The following ASXL2 variants were observed in gnomAD, a reference collection of about 807,000 sequenced individuals.
ASXL2 encodes the protein putative Polycomb group protein ASXL2.
Under a neutral mutation model 122.0 loss-of-function variants are expected in ASXL2, and 23 were observed. That is an observed-to-expected ratio of 0.19 (90% CI 0.14 to 0.27). ASXL2 has a LOEUF of 0.27. Ranked by LOEUF, ASXL2 falls within the 10% of genes least tolerant of loss-of-function variation. The pLI, the probability that ASXL2 is intolerant of heterozygous loss-of-function variation, is 1.00. For synonymous variants in ASXL2, 650 were observed against 637.0 expected (o/e 1.02, Z -0.31); for missense variants, 1,518 against 1,713.8 (o/e 0.89, Z 2.02).
chr2:25,839,391 T>A (rs773823728), intron 2 of ASXL2, among the ~76,000 whole-genome samples: 1 of 152,208 alleles, frequency 6.6e-6, no homozygotes, highest in African/African-American at 2.4e-5. Flanking sequence ...AGCTACAGCA[T>A]TTATCTATAG....
chr2:25,753,212 G>A (rs1346557432), intron 11 of ASXL2, among the ~76,000 whole-genome samples: 2 of 145,476 alleles, frequency 1.4e-5, no homozygotes, highest in Admixed American at 6.8e-5. Context: ...TCAGGAGTTC[G>A]CCTCGGCCTC....
intron 1 of ASXL2, among the ~76,000 whole-genome samples, chr2:25,870,135 G>T (rs899152320): frequency 3.3e-5 from 5 of 152,146 alleles, no homozygotes; most frequent in Non-Finnish European, 4.4e-5. Context: ...AGTTCACCAT[G>T]GAAGCTAACA....
rs1029334538 is a variant in ASXL2, at chr2:25,733,990, T to C, written c.*8039A>G. 6.6e-6 allele frequency: 1 copy of C among 152,098 alleles called. No individual in the cohort carries two copies. 9.4% of individuals were successfully genotyped at this position (152,098 alleles called of 1,614,324 possible). On this transcript the variant is annotated 3_prime_UTR_variant, in exon 13 of 13. Transcript: ENST00000435504. ...AGTGAATAAGAATTACATACGGTAA[T>C]TTCTTCCATTCCGACTTCTCTTAGT...
intron 2 of ASXL2, among the ~76,000 whole-genome samples, chr2:25,836,747 A>T (rs1323156491): frequency 6.6e-6 from 1 of 152,168 alleles, no homozygotes; most frequent in African/African-American, 2.4e-5. Context: ...TTACTCACCT[A>T]TACTAATCTT....
intron 8 of ASXL2, among the ~76,000 whole-genome samples, chr2:25,763,112 A>G (rs1407165145): frequency 6.6e-6 from 1 of 152,208 alleles, no homozygotes; most frequent in Non-Finnish European, 1.5e-5. Flanking sequence ...CAAACCCACC[A>G]TTTGGATAGG....
Position 25,792,652 on chromosome 2 carries a change from G to C in ASXL2, c.403+6733C>G, listed in dbSNP as rs184724189. On this transcript the variant is annotated intron_variant, in intron 5 of 12. Transcript: ENST00000435504. ...GTGTCTCACTTTGTCGCCCAGGCTA[G>C]AGTGGAGTGGCGTGATCTTGGCTCA... Among the ~76,000 whole-genome samples, 16 of 151,966 alleles carry C rather than the reference G, an allele frequency of 1.1e-4. No homozygotes were observed. In the East Asian group the frequency reaches 3.1e-3, roughly 30 times the overall value.
intron 8 of ASXL2, among the ~76,000 whole-genome samples, chr2:25,761,885 T>C (rs1316681021): frequency 6.6e-6 from 1 of 152,076 alleles, no homozygotes; most frequent in Non-Finnish European, 1.5e-5. Context: ...CTGATATAAA[T>C]ACAGTTCTTA....
intron 3 of ASXL2, among the ~76,000 whole-genome samples, chr2:25,809,505 C>G (rs1302010643): frequency 6.6e-6 from 1 of 152,086 alleles, no homozygotes; most frequent in East Asian, 1.9e-4. Context: ...CAGGCCTATA[C>G]CTTTTCCTCT....
chr2:25,804,427 A>T (rs1205817823), intron 4 of ASXL2, among the ~76,000 whole-genome samples: 2 of 152,268 alleles, frequency 1.3e-5, no homozygotes, highest in African/African-American at 4.8e-5. Context: ...GCGAAGCCAA[A>T]CCAATTAAGC....
rs1298502532 is a variant in ASXL2, at chr2:25,862,024, T to C, written c.57+16142A>G. 2.0e-5 allele frequency among the ~76,000 whole-genome samples: 3 copies of C among 152,212 alleles called. No individual in the cohort carries two copies. In the East Asian group the frequency reaches 5.8e-4, roughly 29 times the overall value. On this transcript the variant is annotated intron_variant, in intron 1 of 12. Coordinates refer to ENST00000435504, the MANE Select transcript of ASXL2 (RefSeq NM_018263.6). ...TTCCTCTATTTTCCAGCTAATTTAA[T>C]GTCATATTATTCCTATATTTAAAAA... is the stretch of plus-strand genomic sequence containing the variant.
chr2:25,787,893 T>G (rs968519076), intron 5 of ASXL2, among the ~76,000 whole-genome samples: 15 of 152,096 alleles, frequency 9.9e-5, no homozygotes, highest in African/African-American at 3.6e-4. Context: ...AAAATTTACA[T>G]GAAGATGAGA....
intron 1 of ASXL2, among the ~76,000 whole-genome samples, chr2:25,863,095 C>T (rs1370030182): frequency 6.6e-6 from 1 of 151,670 alleles, no homozygotes. Context: ...TCTGGAAGGC[C>T]GAAGCACGTG....
intron 5 of ASXL2, among the ~76,000 whole-genome samples, chr2:25,795,852 T>G (rs889097765): frequency 6.6e-6 from 1 of 152,152 alleles, no homozygotes; most frequent in African/African-American, 2.4e-5. Context: ...TTGGCTTCAC[T>G]TTTTCAAAAA....
intron 8 of ASXL2, among the ~76,000 whole-genome samples, chr2:25,763,651 G>C (rs1164384264): frequency 6.6e-6 from 1 of 152,206 alleles, no homozygotes; most frequent in Non-Finnish European, 1.5e-5. Flanking sequence ...AGCAACAGCA[G>C]CAGCAGCAAC....
intron 5 of ASXL2, among the ~76,000 whole-genome samples, chr2:25,783,267 C>G (rs1332207002): frequency 6.6e-6 from 1 of 152,074 alleles, no homozygotes; most frequent in African/African-American, 2.4e-5. Flanking sequence ...TCTATCTCTA[C>G]TGGGTTCAAT....
At chr2:25,792,872 C>G (rs968362557) in intron 5 of ASXL2, among the ~76,000 whole-genome samples, 1 of 151,886 alleles carries the variant, frequency 6.6e-6, no homozygotes, top group African/African-American at 2.4e-5. Context: ...TCCCAAAGTA[C>G]TGGGATTACA....
intron 5 of ASXL2, among the ~76,000 whole-genome samples, chr2:25,779,550 T>C (rs1287292238): frequency 1.3e-5 from 2 of 152,202 alleles, no homozygotes; most frequent in Admixed American, 1.3e-4. Context: ...CAGTTTAAGA[T>C]TTGTCTCCTT....
chr2:25,823,451 AAT>A (rs2089336213), intron 3 of ASXL2, among the ~76,000 whole-genome samples: 1 of 152,210 alleles, frequency 6.6e-6, no homozygotes, highest in African/African-American at 2.4e-5. Context: ...TATTTTTCAA[AAT>A]ATTTACTTCA....
intron 4 of ASXL2, among the ~76,000 whole-genome samples, chr2:25,805,780 A>G (rs568809891): frequency 6.6e-6 from 1 of 152,066 alleles, no homozygotes; most frequent in Non-Finnish European, 1.5e-5. Context: ...GGTTCAAGCA[A>G]TTCTCTTGCC....
Sources: allele counts gnomAD v4.1 joint callset (sites outside exome capture counted in the v4.1 genomes callset), GRCh38; gene constraint gnomAD v4.1.1; transcripts MANE v1.5; gene names NCBI Gene and HGNC (gene_info 2026-07-23, HGNC 2026-07-21).